Variants in TC2N observed in about 807,000 individuals in gnomAD.
TC2N encodes tandem C2 domains nuclear protein.
In TC2N, 51 loss-of-function variants were observed where a neutral mutation model predicts 61.9. The ratio of observed to expected loss-of-function variants is 0.82; its 90% confidence interval spans 0.66 to 1.04. TC2N has a LOEUF of 1.04. Among genes scored for constraint, TC2N ranks in the 50% least tolerant of loss-of-function variants. TC2N has a pLI of 0.00. For synonymous variants in TC2N, 204 were observed against 192.6 expected (o/e 1.06, Z -0.49); for missense variants, 556 against 566.7 (o/e 0.98, Z 0.19).
At chr14:91,809,070 G>GT (rs1438744690) in intron 3 of TC2N, among the ~76,000 whole-genome samples, 1 of 152,176 alleles carries the variant, frequency 6.6e-6, no homozygotes. Flanking sequence ...TATGCGCAAA[G>GT]TAAGATGATA....
intron 5 of TC2N, 21 bp downstream of exon 5, chr14:91,800,260 A>T: frequency 7.0e-7 from 1 of 1,433,200 alleles, no homozygotes. Context: ...ACATATAATT[A>T]AATTTATGTA....
At position 91,783,047 on chromosome 14, in the gene TC2N, A is replaced by C. The variant is rs761819025; in HGVS notation, c.*53T>G. 22 of 1,188,692 alleles carry C rather than the reference A, an allele frequency of 1.9e-5. No individual in the cohort carries two copies. The highest frequency in any genetic ancestry group is 2.6e-5 in the Non-Finnish European group (21 of 804,782). The allele number at this position is 1,188,692 out of a possible 1,614,324, so 73.6% of individuals were successfully genotyped here. A position where few individuals can be genotyped will look rare whatever the true frequency, so the allele number is the denominator to read the frequency against. On this transcript the variant is annotated 3_prime_UTR_variant, in exon 12 of 12. Transcript: ENST00000435962. ...TTCTCATTGGTAGCAAATTGAAATCATAAGTCTTCTAAAAGAATGTCAAGT... is the reference window on the plus strand; with the variant it reads ...TTCTCATTGGTAGCAAATTGAAATCCTAAGTCTTCTAAAAGAATGTCAAGT...
At chr14:91,841,447 G>A (rs1419122528) in intron 1 of TC2N, among the ~76,000 whole-genome samples, 3 of 152,200 alleles carry the variant, frequency 2.0e-5, no homozygotes, top group Non-Finnish European at 4.4e-5. Context: ...AGATTTGGAA[G>A]GTGAAAGTGG....
chr14:91,844,745 A>G (rs1888234447), intron 1 of TC2N, among the ~76,000 whole-genome samples: 2 of 133,948 alleles, frequency 1.5e-5, no homozygotes, highest in Non-Finnish European at 3.1e-5. Flanking sequence ...TGGGCGACAG[A>G]GCGAGACTCT....
At position 91,782,105 on chromosome 14, in the gene TC2N, A is replaced by G. The variant is rs1885158933; in HGVS notation, c.*995T>C. 1.3e-5 allele frequency: 2 copies of G among 152,086 alleles called. No individual in the cohort carries two copies. The highest frequency in any genetic ancestry group is 6.5e-5 in the Admixed American group (1 of 15,268). 9.4% of individuals were successfully genotyped at this position (152,086 alleles called of 1,614,324 possible). ...TTGGCCACAGTTCTTATGGTCAATT[A>G]AGCTGAAATTATTTCCAAATACTGA... On this transcript the variant is annotated 3_prime_UTR_variant, in exon 12 of 12. Coordinates refer to ENST00000435962, the MANE Select transcript of TC2N (RefSeq NM_001128596.3).
chr14:91,830,271 G>C (rs1887695180), intron 1 of TC2N, among the ~76,000 whole-genome samples: 1 of 152,146 alleles, frequency 6.6e-6, no homozygotes, highest in African/African-American at 2.4e-5. Flanking sequence ...CAGTATTCAT[G>C]ATGGCCAAAA....
intron 9 of TC2N, among the ~76,000 whole-genome samples, chr14:91,790,565 T>C (rs1885595116): frequency 6.6e-6 from 1 of 152,246 alleles, no homozygotes; most frequent in African/African-American, 2.4e-5. Context: ...CTCTGATACA[T>C]GAAATATGAT....
At chr14:91,814,857 T>C (rs1886941180) in intron 1 of TC2N, among the ~76,000 whole-genome samples, 1 of 151,626 alleles carries the variant, frequency 6.6e-6, no homozygotes, top group South Asian at 2.1e-4. Context: ...TACTGTTCTC[T>C]CCACAAAAAT....
chr14:91,786,849 T>C (rs1369227745), intron 10 of TC2N, among the ~76,000 whole-genome samples: 1 of 152,212 alleles, frequency 6.6e-6, no homozygotes, highest in African/African-American at 2.4e-5. Flanking sequence ...GTTGTCTCCA[T>C]ATCTGTCACC....
chr14:91,835,641 G>A (rs1046206976), intron 1 of TC2N, among the ~76,000 whole-genome samples: 3 of 152,168 alleles, frequency 2.0e-5, no homozygotes, highest in African/African-American at 7.2e-5. Flanking sequence ...CATAGCAAAG[G>A]AAAACCTGGA....
chr14:91,814,356 T>A (rs1346518688), intron 1 of TC2N, among the ~76,000 whole-genome samples: 15 of 126,198 alleles, frequency 1.2e-4, no homozygotes, highest in East Asian at 2.3e-4. Flanking sequence ...AAGGGAAAGG[T>A]CAAAAAAAAA....
At chr14:91,803,872 G>C (rs995150189) in intron 3 of TC2N, among the ~76,000 whole-genome samples, 116 of 152,322 alleles carry the variant, frequency 7.6e-4, no homozygotes, top group African/African-American at 2.6e-3. Flanking sequence ...AAGTATAACT[G>C]ACAAAGGGCT....
At chr14:91,864,777 CTTTTTTTTTT>C (rs5810557) in intron 1 of TC2N, among the ~76,000 whole-genome samples, 13 of 70,800 alleles carry the variant, frequency 1.8e-4, no homozygotes, top group African/African-American at 5.8e-4. Flanking sequence ...CTGCCTTCAT[CTTTTTTTTTT>C]TTTTTTTTTT....
chr14:91,788,025 C>T (rs1885452813), intron 9 of TC2N, among the ~76,000 whole-genome samples: 1 of 152,048 alleles, frequency 6.6e-6, no homozygotes, highest in Admixed American at 6.6e-5. Flanking sequence ...TAAAAAGTTA[C>T]ATATGAAAAT....
intron 3 of TC2N, among the ~76,000 whole-genome samples, 159 bp from the exon 4 acceptor site, chr14:91,802,580 C>A (rs1436283745): frequency 1.3e-5 from 2 of 151,996 alleles, no homozygotes; most frequent in Admixed American, 6.6e-5. Context: ...TTAGGGAGTT[C>A]TGTGTGAAGT....
chr14:91,821,961 T>A (rs1021781590), intron 1 of TC2N, among the ~76,000 whole-genome samples: 1 of 152,118 alleles, frequency 6.6e-6, no homozygotes, highest in Non-Finnish European at 1.5e-5. Flanking sequence ...GACAACAATA[T>A]ACATTGATTA....
chr14:91,819,184 G>C (rs1887136025), intron 1 of TC2N, among the ~76,000 whole-genome samples: 1 of 152,108 alleles, frequency 6.6e-6, no homozygotes, highest in African/African-American at 2.4e-5. Flanking sequence ...GCAGCATATA[G>C]TTGAGCATGG....
chr14:91,794,348 G>A (rs1052576583), intron 8 of TC2N, among the ~76,000 whole-genome samples: 2 of 152,186 alleles, frequency 1.3e-5, no homozygotes, highest in Non-Finnish European at 2.9e-5. Flanking sequence ...TTTCAATGTA[G>A]ACAAAAGAGC....
chr14:91,858,152 CTTTTTT>C (rs56379239), intron 1 of TC2N, among the ~76,000 whole-genome samples: 9 of 92,346 alleles, frequency 9.7e-5, no homozygotes, highest in Admixed American at 4.2e-4. Flanking sequence ...TCTTCTTCTT[CTTTTTT>C]TTTTTTTTTT....
Sources: allele counts gnomAD v4.1 joint callset (sites outside exome capture counted in the v4.1 genomes callset), GRCh38; gene constraint gnomAD v4.1.1; transcripts MANE v1.5; gene names NCBI Gene and HGNC (gene_info 2026-07-23, HGNC 2026-07-21).